The following SLC4A11 variants were observed in gnomAD, a reference collection of about 807,000 sequenced individuals.
SLC4A11 encodes bicarbonate transporter related protein 1.
Under a neutral mutation model 95.0 loss-of-function variants are expected in SLC4A11, and 74 were observed. That is an observed-to-expected ratio of 0.78 (90% CI 0.65 to 0.95). SLC4A11 has a LOEUF of 0.95. Among genes scored for constraint, SLC4A11 ranks in the 40% least tolerant of loss-of-function variants. The pLI is 0.00. For synonymous variants in SLC4A11, 548 were observed against 519.0 expected (o/e 1.06, Z -0.76); for missense variants, 1,081 against 1,192.4 (o/e 0.91, Z 1.38).
rs1239550428 is a variant in SLC4A11, at chr20:3,229,611, T to C, written c.1655A>G (p.His552Arg). 1.9e-6 allele frequency: 3 copies of C among 1,612,390 alleles called. No homozygotes were observed. In the South Asian group the frequency reaches 3.3e-5, roughly 18 times the overall value. ...ASPTELPSAT[H>R]SGQATAVLSL... is the part of the protein sequence containing the mutation. ...GAGCACGGCGGTCGCCTGGCCTGAG[T>C]GTGTGGCCGAGGGCAGCTCCGTGGG... is the stretch of plus-strand genomic sequence containing the variant. Residue 552 changes from histidine (H) to arginine (R), a missense_variant, in exon 14 of 20, where the codon CAC (histidine) becomes CGC (arginine). His to Arg is a conservative substitution (Grantham distance 29, BLOSUM62 0). This residue lies in a region of SLC4A11 where 767 missense variants were observed against 858.0 expected (regional missense o/e 0.89). Transcript: ENST00000642402.
chr20:3,231,077 A>G lies in SLC4A11; in HGVS notation c.1043-19T>C, dbSNP rs3803954. On this transcript the variant is annotated intron_variant, in intron 9 of 19. Coordinates refer to ENST00000642402, the MANE Select transcript of SLC4A11 (RefSeq NM_001174089.2). The surrounding 1 kb of genome is among the most constrained non-coding windows in gnomAD (Gnocchi z 5.2). ...ATAATGCCTAGGAATGGGGGATGGG[A>G]GAGAGGGTTTGCTGGGGATGCAGGA... The G allele has an allele frequency of 0.011, 17,367 of 1,559,932 alleles. 720 individuals carry two copies. The African/African-American group carries it at 0.12, about 11-fold the overall frequency.
Position 3,234,131 on chromosome 20 carries a change from G to A in SLC4A11, c.475C>T (p.Leu159Phe), listed in dbSNP as rs2067883225. 1.2e-6 allele frequency: 2 copies of A among 1,614,106 alleles called. No homozygotes were observed. The highest frequency in any genetic ancestry group is 1.7e-6 in the Non-Finnish European group (2 of 1,180,024). ...NNEPNCNLDL[L>F]MAMLFTDAGA... The stretch of plus-strand genomic sequence containing the variant: ...GCATCGGTGAAGAGCATGGCCATGA[G>A]CAGGTCCAGGTTGCAGTTGGGCTCA... The change falls in exon 5 of 20, where the codon CTC becomes TTC. Residue 159 changes from leucine (L) to phenylalanine (F), a missense_variant. Around this residue, in one of 3 missense-constraint regions of SLC4A11, gnomAD observed 310 missense variants for 313.5 expected, o/e 0.99. Coordinates refer to ENST00000642402, the MANE Select transcript of SLC4A11 (RefSeq NM_001174089.2). The surrounding 1 kb of genome is among the most constrained non-coding windows in gnomAD (Gnocchi z 5.8).
Position 3,229,095 on chromosome 20 carries a change from C to T in SLC4A11, c.2018G>A (p.Arg673Lys). The T allele has an allele frequency of 6.3e-7, 1 of 1,595,344 alleles. No individual in the cohort carries two copies. The highest frequency in any genetic ancestry group is 8.5e-7 in the Non-Finnish European group (1 of 1,172,806). The stretch of plus-strand genomic sequence containing the variant: ...CCCCACCCTCACCCACCCTCCACAC[C>T]TGTTCTCCGGTGCATTCACCAAGGC... ...VAALVNAPEN[R>K]LVKGTAYHWD... is the part of the protein sequence containing the mutation. The change falls in exon 16 of 20, where the codon AGG becomes AAG. Residue 673 changes from arginine (R) to lysine (K), a missense_variant and splice_region_variant. Transcript: ENST00000642402.
chr20:3,235,819 G>A (rs1427732707), intron 2 of SLC4A11, among the ~76,000 whole-genome samples: 1 of 152,086 alleles, frequency 6.6e-6, no homozygotes, highest in Non-Finnish European at 1.5e-5. Context: ...GGCTCCTCAG[G>A]CCATCCGGTC....
rs1219937134 is a variant in SLC4A11, at chr20:3,239,130, G to C, written c.8C>G (p.Ala3Gly). The C allele has an allele frequency of 6.8e-7, 1 of 1,475,876 alleles. No homozygotes were observed. The highest frequency in any genetic ancestry group is 3.0e-5 in the East Asian group (1 of 33,472). 91.4% of individuals were successfully genotyped at this position (1,475,876 alleles called of 1,614,324 possible). A position where few individuals can be genotyped will look rare whatever the true frequency, so the allele number is the denominator to read the frequency against. The change falls in exon 1 of 20, where the codon GCG (alanine) becomes GGG (glycine). Residue 3 changes from alanine to glycine, a missense_variant. Physicochemically the swap from Ala to Gly is moderately conservative, Grantham distance 60 (BLOSUM62 0). This residue lies in a region of SLC4A11 where 310 missense variants were observed against 313.5 expected (regional missense o/e 0.99). Coordinates refer to ENST00000642402, the MANE Select transcript of SLC4A11 (RefSeq NM_001174089.2). MA[A>G]ATRRVFHLQP... ...CAGATGGAACACGCGCCTGGTGGCC[G>C]CGGCCATGGCACACTCGCGCACTCA...
chr20:3,231,638 G>A lies in SLC4A11; in HGVS notation c.730-90C>T. On this transcript the variant is annotated intron_variant, in intron 7 of 19. Coordinates refer to ENST00000642402, the MANE Select transcript of SLC4A11 (RefSeq NM_001174089.2). The surrounding 1 kb of genome is among the most constrained non-coding windows in gnomAD (Gnocchi z 5.2). ...AAGGTGCTCTCCCCATGAACTGGCA[G>A]CAGGTTTTTTGTCTGTTTGTTTTTT... 1 of 1,250,422 alleles carries A rather than the reference G, an allele frequency of 8.0e-7. No individual in the cohort carries two copies. Among genetic ancestry groups the A allele is most frequent in the Non-Finnish European group, 1.2e-6 (1 of 863,162 alleles). 77.5% of individuals were successfully genotyped at this position (1,250,422 alleles called of 1,614,324 possible).
rs1162893145 is a variant in SLC4A11, at chr20:3,234,558, G to A, written c.291+10C>T. ...AGGCCCCAGGACCACCTGCAGGACA[G>A]GCCATTCACCTTTCGGGAGGTGTGC... is the stretch of plus-strand genomic sequence containing the variant. On this transcript the variant is annotated intron_variant, in intron 4 of 19. Coordinates refer to ENST00000642402, the MANE Select transcript of SLC4A11 (RefSeq NM_001174089.2). The surrounding 1 kb of genome is among the most constrained non-coding windows in gnomAD (Gnocchi z 5.8). 6.2e-7 allele frequency: 1 copy of A among 1,613,728 alleles called. No homozygotes were observed. The highest frequency in any genetic ancestry group is 1.3e-5 in the African/African-American group (1 of 74,940).
At chr20:3,238,384 T>G (rs2068056067) in intron 1 of SLC4A11, 54 of 981,784 alleles carry the variant, frequency 5.5e-5, no homozygotes, top group Non-Finnish European at 6.3e-5. Flanking sequence ...GCGCAGGATG[T>G]GAATGCAGGC....
In SLC4A11 at chr20:3,228,866, G is replaced by T. The variant is rs770842348; in HGVS notation, c.2164C>A (p.Arg722Ser). The T allele has an allele frequency of 6.2e-7, 1 of 1,613,760 alleles. No homozygotes were observed. The highest frequency in any genetic ancestry group is 8.5e-7 in the Non-Finnish European group (1 of 1,180,032). Residue 722 changes from arginine (R) to serine (S), a missense_variant, in exon 17 of 20, where the codon CGT (arginine) becomes AGT (serine). Coordinates refer to ENST00000642402, the MANE Select transcript of SLC4A11 (RefSeq NM_001174089.2). ...TCATAGATGTGTCCGTTCTCCACAC[G>T]CTCCTCCACTAAGGCCAGGGCTCGC... ...HVRALALVEE[R>S]VENGHIYDTI...
chr20:3,229,895 G>A (rs923217187), intron 13 of SLC4A11, 119 bp from the exon 14 acceptor site: 31 of 1,398,230 alleles, frequency 2.2e-5, no homozygotes, highest in Middle Eastern at 2.3e-4. Flanking sequence ...CCCTGCCGAC[G>A]TGCCCATGCA....
rs1180579989 is a variant in SLC4A11 at position 3,229,785 on chromosome 20, A to G, written c.1490-9T>C. Reference sequence around the variant, plus strand: ...GTAGTACTTCCAGAAGACTGTGGACACACACCCACAGGCCTCAGCCCTCTC... The same window carrying G: ...GTAGTACTTCCAGAAGACTGTGGACGCACACCCACAGGCCTCAGCCCTCTC... On this transcript the variant is annotated splice_polypyrimidine_tract_variant and intron_variant, in intron 13 of 19. Transcript: ENST00000642402. The G allele has an allele frequency of 6.2e-7, 1 of 1,613,666 alleles. No homozygotes were observed. Among genetic ancestry groups the G allele is most frequent in the Non-Finnish European group, 8.5e-7 (1 of 1,179,976 alleles).
intron 2 of SLC4A11, among the ~76,000 whole-genome samples, chr20:3,235,309 T>TCACA (rs58744452): frequency 0.014 from 1,696 of 123,590 alleles, 35 homozygotes; most frequent in African/African-American, 0.036. Flanking sequence ...TCTCTCTCTC[T>TCACA]CACACACACA....
rs1209189688 is a variant in SLC4A11 at position 3,228,314 on chromosome 20, G to A, written c.2503C>T (p.Leu835=). The change falls in exon 19 of 20, where the codon CTG becomes TTG. Residue 835 remains leucine, a synonymous_variant. Coordinates refer to ENST00000642402, the MANE Select transcript of SLC4A11 (RefSeq NM_001174089.2). The part of the protein sequence containing the change: ...LLLCAFGMSS[L]PYMKMIFPLI... Reference sequence around the variant, plus strand: ...GGAAAGATCATCTTCATGTAGGGCAGGGAGCTCATGCCGAAGGCACACAGC... The same window carrying A: ...GGAAAGATCATCTTCATGTAGGGCAAGGAGCTCATGCCGAAGGCACACAGC... 6.2e-7 allele frequency: 1 copy of A among 1,613,228 alleles called. No individual in the cohort carries two copies. Among genetic ancestry groups the A allele is most frequent in the South Asian group, 1.1e-5 (1 of 91,072 alleles).
intron 7 of SLC4A11, among the ~76,000 whole-genome samples, chr20:3,233,004 C>T (rs1026677580): frequency 1.3e-5 from 2 of 152,184 alleles, no homozygotes; most frequent in Non-Finnish European, 2.9e-5. Flanking sequence ...GGGGCAGGAG[C>T]ACAAGAAGCT....
Position 3,233,978 on chromosome 20 carries a change from T to G in SLC4A11, c.548A>C (p.Gln183Pro). Reference sequence around the variant, plus strand: ...CCCTGTCACTGTGGCGGTGACCCCTTGGATGGTATCTGACAGCAGGTGGAC... The same window carrying G: ...CCCTGTCACTGTGGCGGTGACCCCTGGGATGGTATCTGACAGCAGGTGGAC... ...GKVHLLSDTI[Q>P]GVTATVTGVR... is the part of the protein sequence containing the mutation. Residue 183 changes from glutamine (Q) to proline (P), a missense_variant, in exon 6 of 20, where the codon CAA (glutamine) becomes CCA (proline). Transcript: ENST00000642402. 1 of 1,613,754 alleles carries G rather than the reference T, an allele frequency of 6.2e-7. No homozygotes were observed. The highest frequency in any genetic ancestry group is 8.5e-7 in the Non-Finnish European group (1 of 1,179,976).
chr20:3,238,774 G>C, intron 1 of SLC4A11: 6 of 1,118,554 alleles, frequency 5.4e-6, no homozygotes, highest in Non-Finnish European at 6.6e-6. Context: ...CGGGGCGCTG[G>C]GAGCCCCACA....
chr20:3,230,966 A>G lies in SLC4A11; in HGVS notation c.1135T>C (p.Ser379Pro), dbSNP rs2067747669. 1.9e-6 allele frequency: 3 copies of G among 1,613,044 alleles called. No individual in the cohort carries two copies. The highest frequency in any genetic ancestry group is 2.5e-6 in the Non-Finnish European group (3 of 1,179,832). Residue 379 changes from serine to proline, a missense_variant, in exon 10 of 20, where the codon TCT becomes CCT. Around this residue, in one of 3 missense-constraint regions of SLC4A11, gnomAD observed 767 missense variants for 858.0 expected, o/e 0.89. Transcript: ENST00000642402. Reference protein sequence around the residue: ...ACLLPTIAFGSLNDENTDGAI... With the variant: ...ACLLPTIAFGPLNDENTDGAI... ...CCGTCTGTGTTCTCGTCATTGAGAG[A>G]CCCGAAAGCGATGGTGGGCAGGAGG...
At chr20:3,235,280 GTCTCTCTCTCTC>G (rs143173251) in intron 2 of SLC4A11, among the ~76,000 whole-genome samples, 1 of 101,146 alleles carries the variant, frequency 9.9e-6, no homozygotes, top group African/African-American at 4.6e-5. Context: ...CAGTATCCAC[GTCTCTCTCTCTC>G]TCTCTCTCTC....
Position 3,229,368 on chromosome 20 carries a change from G to A in SLC4A11, c.1827C>T (p.Ser609=), listed in dbSNP as rs749218872. The stretch of plus-strand genomic sequence containing the variant: ...CACTCTCGATTTCCCGGAAGCCATG[G>A]GAGCTGATGAGGGAGAAGGCGAGCA... ...IAVLAFSLIS[S]HGFREIEMSK... The change falls in exon 15 of 20, where the codon TCC becomes TCT. Residue 609 remains serine, a synonymous_variant. Transcript: ENST00000642402. The A allele has an allele frequency of 4.3e-6, 7 of 1,613,226 alleles. No homozygotes were observed. The highest frequency in any genetic ancestry group is 1.1e-5 in the South Asian group (1 of 91,088).
Sources: allele counts gnomAD v4.1 joint callset (sites outside exome capture counted in the v4.1 genomes callset), GRCh38; gene constraint gnomAD v4.1.1; regional missense constraint gnomAD v4.1.1; non-coding constraint Gnocchi (gnomAD v3.1); transcripts MANE v1.5; gene names NCBI Gene and HGNC (gene_info 2026-07-23, HGNC 2026-07-21).